PDE3A: variants seen among roughly 807,000 people sequenced by gnomAD.
PDE3A encodes cGMP-inhibited 3',5'-cyclic phosphodiesterase 3A.
In PDE3A, 43 loss-of-function variants were observed where a neutral mutation model predicts 98.3. That is an observed-to-expected ratio of 0.44 (90% CI 0.34 to 0.56). The LOEUF is 0.56. Ranked by LOEUF, PDE3A falls within the 20% of genes least tolerant of loss-of-function variation. The probability of loss-of-function intolerance (pLI) is 0.01; values close to 1 mark genes in which losing one functional copy is unlikely to be tolerated. For synonymous variants in PDE3A, 663 were observed against 567.9 expected (o/e 1.17, Z -2.38); for missense variants, 1,427 against 1,440.7 (o/e 0.99, Z 0.15).
At chr12:20,500,859 C>G (rs1164946263) in intron 1 of PDE3A, among the ~76,000 whole-genome samples, 3 of 151,312 alleles carry the variant, frequency 2.0e-5, no homozygotes, top group Non-Finnish European at 4.4e-5. Flanking sequence ...CCTCGACCTC[C>G]TGGGTTCAAG....
intron 1 of PDE3A, among the ~76,000 whole-genome samples, chr12:20,544,229 T>C (rs993834883): frequency 2.0e-5 from 3 of 150,400 alleles, no homozygotes; most frequent in African/African-American, 4.9e-5. Context: ...CTAATAAATA[T>C]TGAAAGAATG....
Position 20,421,919 on chromosome 12 carries a change from CTG to C in PDE3A, c.960+51679_960+51680del, listed in dbSNP as rs759332702. Among the ~76,000 whole-genome samples, 11 of 152,274 alleles carry C rather than the reference CTG, an allele frequency of 7.2e-5. 1 individual carries two copies. The East Asian group carries it at 1.3e-3, about 19-fold the overall frequency. On this transcript the variant is annotated intron_variant, in intron 1 of 15. Transcript: ENST00000359062. ...TGATTTGGCTCAGGCTGTGTTGTAA[CTG>C]TGTTTTTCTTTCCCAGGTAAATTGT...
chr12:20,386,561 C>T (rs1036505985), intron 1 of PDE3A, among the ~76,000 whole-genome samples: 4 of 151,496 alleles, frequency 2.6e-5, no homozygotes, highest in South Asian at 2.1e-4. Flanking sequence ...GACTGGTCTC[C>T]GTCTCCTGAC....
chr12:20,530,188 T>C (rs759328699), intron 1 of PDE3A, among the ~76,000 whole-genome samples: 8 of 152,214 alleles, frequency 5.3e-5, no homozygotes. Flanking sequence ...ATCTGGAGAA[T>C]AATATAATTG....
At chr12:20,517,947 CCT>C (rs2121139171) in intron 1 of PDE3A, among the ~76,000 whole-genome samples, 1 of 152,288 alleles carries the variant, frequency 6.6e-6, no homozygotes, top group East Asian at 1.9e-4. Context: ...CAAAGAGACT[CCT>C]AATCTGCGTG....
At chr12:20,529,053 G>T (rs1946576401) in intron 1 of PDE3A, among the ~76,000 whole-genome samples, 1 of 152,112 alleles carries the variant, frequency 6.6e-6, no homozygotes, top group African/African-American at 2.4e-5. Context: ...TTTTAAATAT[G>T]TTCTAGAATC....
intron 10 of PDE3A, among the ~76,000 whole-genome samples, chr12:20,643,741 A>T (rs1291415300): frequency 6.6e-6 from 1 of 152,252 alleles, no homozygotes; most frequent in East Asian, 1.9e-4. Flanking sequence ...TCATAAAATG[A>T]GTTTGGCAGC....
chr12:20,579,629 A>G (rs1471360162), intron 2 of PDE3A, among the ~76,000 whole-genome samples: 5 of 151,994 alleles, frequency 3.3e-5, no homozygotes, highest in Admixed American at 2.6e-4. Flanking sequence ...CTTTCCAGCC[A>G]CTAATGCCAG....
rs1005263799 is a variant in PDE3A at position 20,680,935 on chromosome 12, G to T, written c.*664G>T. The T allele has an allele frequency of 6.6e-6, 1 of 151,842 alleles. No individual in the cohort carries two copies. The highest frequency in any genetic ancestry group is 1.5e-5 in the Non-Finnish European group (1 of 68,070). The allele number at this position is 151,842 out of a possible 1,614,324, so 9.4% of individuals were successfully genotyped here. On this transcript the variant is annotated 3_prime_UTR_variant, in exon 16 of 16. Transcript: ENST00000359062. Reference sequence around the variant, plus strand: ...GTGCATGTGTGTGCATATGTAAAGAGATTTTTGTGGTTTAAGTAACTCAGA... The same window carrying T: ...GTGCATGTGTGTGCATATGTAAAGATATTTTTGTGGTTTAAGTAACTCAGA...
chr12:20,637,275 G>A (rs995518446), intron 9 of PDE3A, 38 bp downstream of exon 9: 7 of 1,487,774 alleles, frequency 4.7e-6, no homozygotes, highest in Non-Finnish European at 6.4e-6. Flanking sequence ...TTAAATATAG[G>A]AAAAACAGTT....
intron 1 of PDE3A, among the ~76,000 whole-genome samples, chr12:20,377,065 G>GTGTGTA (rs1943585508): frequency 6.6e-6 from 1 of 151,796 alleles, no homozygotes; most frequent in Admixed American, 6.6e-5. Flanking sequence ...TTGCTGAAGT[G>GTGTGTA]TGTGTATGTG....
intron 2 of PDE3A, among the ~76,000 whole-genome samples, chr12:20,584,397 T>C (rs116287370): frequency 0.01 from 1,526 of 152,242 alleles, 31 homozygotes; most frequent in African/African-American, 0.035. Flanking sequence ...ATTAAATGAA[T>C]GTTATGCTGT....
chr12:20,408,988 T>A (rs544934956), intron 1 of PDE3A, among the ~76,000 whole-genome samples: 3 of 152,172 alleles, frequency 2.0e-5, no homozygotes, highest in Non-Finnish European at 2.9e-5. Flanking sequence ...CCTCTCTCCC[T>A]CCCTTTCTTC....
At chr12:20,633,491 T>A (rs921463208) in intron 6 of PDE3A, among the ~76,000 whole-genome samples, 10 of 152,270 alleles carry the variant, frequency 6.6e-5, no homozygotes, top group African/African-American at 2.2e-4. Flanking sequence ...TTTGTATTGA[T>A]TACTCTCTCA....
At chr12:20,534,805 T>C (rs922218092) in intron 1 of PDE3A, among the ~76,000 whole-genome samples, 1 of 152,228 alleles carries the variant, frequency 6.6e-6, no homozygotes, top group Non-Finnish European at 1.5e-5. Flanking sequence ...ATTATACCTG[T>C]TGACACAGTT....
At chr12:20,429,756 T>C (rs1219609338) in intron 1 of PDE3A, among the ~76,000 whole-genome samples, 1 of 152,240 alleles carries the variant, frequency 6.6e-6, no homozygotes, top group African/African-American at 2.4e-5. Context: ...TAATTTTTTC[T>C]AGTTATTGTT....
intron 15 of PDE3A, among the ~76,000 whole-genome samples, chr12:20,673,012 AAAC>A (rs1435070519): frequency 5.3e-5 from 8 of 151,834 alleles, no homozygotes; most frequent in African/African-American, 1.9e-4. Flanking sequence ...AGAAAAAAAC[AAAC>A]AACCCCATCA....
chr12:20,397,131 T>C (rs1049135638), intron 1 of PDE3A, among the ~76,000 whole-genome samples: 1 of 152,106 alleles, frequency 6.6e-6, no homozygotes, highest in Non-Finnish European at 1.5e-5. Flanking sequence ...CCAAGCTAAA[T>C]TCTAAAAATG....
chr12:20,579,256 G>A (rs1424524403), intron 2 of PDE3A, among the ~76,000 whole-genome samples: 1 of 152,068 alleles, frequency 6.6e-6, no homozygotes, highest in African/African-American at 2.4e-5. Flanking sequence ...GATTTATAAC[G>A]GGTGTGGTGT....
Sources: allele counts gnomAD v4.1 joint callset (sites outside exome capture counted in the v4.1 genomes callset), GRCh38; gene constraint gnomAD v4.1.1; transcripts MANE v1.5; gene names NCBI Gene and HGNC (gene_info 2026-07-23, HGNC 2026-07-21).